Variants in IGF2BP1 observed in about 807,000 individuals in gnomAD.
IGF2BP1 encodes the protein insulin-like growth factor 2 mRNA-binding protein 1.
Under a neutral mutation model 74.9 loss-of-function variants are expected in IGF2BP1, and 11 were observed. The observed-to-expected ratio is 0.15, with a 90% confidence interval of 0.09 to 0.24. The LOEUF is 0.24. Among genes scored for constraint, IGF2BP1 ranks in the 10% least tolerant of loss-of-function variants. The probability of loss-of-function intolerance (pLI) is 1.00; values close to 1 mark genes in which losing one functional copy is unlikely to be tolerated. For missense variants in IGF2BP1, 440 were observed against 757.4 expected (o/e 0.58, Z 4.92); for synonymous variants, 287 against 281.8 (o/e 1.02, Z -0.18).
chr17:49,030,722 G>A (rs909485490), intron 4 of IGF2BP1, among the ~76,000 whole-genome samples: 2 of 151,724 alleles, frequency 1.3e-5, no homozygotes, highest in Non-Finnish European at 2.9e-5. Context: ...CACGTCCCGG[G>A]TTCAAGCGAT....
chr17:49,049,635 A>G lies in IGF2BP1; in HGVS notation c.*191A>G. 1 of 567,072 alleles carries G rather than the reference A, an allele frequency of 1.8e-6. No homozygotes were observed. Among genetic ancestry groups the G allele is most frequent in the East Asian group, 3.0e-5 (1 of 33,242 alleles). 35.1% of individuals were successfully genotyped at this position (567,072 alleles called of 1,614,324 possible). A position where few individuals can be genotyped will look rare whatever the true frequency, so the allele number is the denominator to read the frequency against. On this transcript the variant is annotated 3_prime_UTR_variant, in exon 15 of 15. Coordinates refer to ENST00000290341, the MANE Select transcript of IGF2BP1 (RefSeq NM_006546.4). The stretch of plus-strand genomic sequence containing the variant: ...ATCTCTCAGCCCCAAACACCCACCC[A>G]ATTGGCCCAACACTGTCTGCCCCTC...
chr17:49,044,182 G>T (rs1253764471), intron 11 of IGF2BP1, 96 bp downstream of exon 11: 1 of 1,489,156 alleles, frequency 6.7e-7, no homozygotes. Flanking sequence ...ACTCATTTGA[G>T]AATTCTGTGT....
chr17:49,030,622 A>C (rs1404867776), intron 4 of IGF2BP1, among the ~76,000 whole-genome samples: 1 of 148,626 alleles, frequency 6.7e-6, no homozygotes, highest in Non-Finnish European at 1.5e-5. Context: ...AACTAGTTGA[A>C]CTTTTTTTTT....
At position 48,997,778 on chromosome 17, in the gene IGF2BP1, G is replaced by C. The variant is rs1230364951; in HGVS notation, c.33G>C (p.Glu11Asp). 1.9e-6 allele frequency: 3 copies of C among 1,614,092 alleles called. No homozygotes were observed. The South Asian group carries it at 3.3e-5, about 18-fold the overall frequency. ...AGCTTTACATCGGCAACCTCAACGA[G>C]AGCGTGACCCCCGCGGACTTGGAGA... MNKLYIGNLN[E>D]SVTPADLEKV... The change falls in exon 1 of 15, where the codon GAG becomes GAC. Residue 11 changes from glutamate to aspartate, a missense_variant. This residue lies in a region of IGF2BP1 where 105 missense variants were observed against 199.4 expected (regional missense o/e 0.53). Transcript: ENST00000290341. This position sits in a 1 kb window ranked among gnomAD's most constrained non-coding sequence, Gnocchi z 4.8.
chr17:49,019,907 TATATATATA>T (rs2041757794), intron 2 of IGF2BP1, among the ~76,000 whole-genome samples: 3 of 16,544 alleles, frequency 1.8e-4, no homozygotes, highest in African/African-American at 8.6e-4. Flanking sequence ...GGCTAATTTA[TATATATATA>T]TATATATATA....
chr17:49,028,927 C>G (rs2041888779), intron 4 of IGF2BP1, among the ~76,000 whole-genome samples: 1 of 152,120 alleles, frequency 6.6e-6, no homozygotes, highest in African/African-American at 2.4e-5. Context: ...CCTGCCTCAG[C>G]TCCCAAGTAG....
rs772176215 is a variant in IGF2BP1 at position 48,997,955 on chromosome 17, C to G, written c.175+35C>G. On this transcript the variant is annotated intron_variant, in intron 1 of 14. Transcript: ENST00000290341. The surrounding 1 kb of genome is among the most constrained non-coding windows in gnomAD (Gnocchi z 4.8). ...CAGCCACCTCCCGGAAAAGCCACAA[C>G]GAGAGCCCCGAACAACGGAGACCCG... 3.7e-6 allele frequency: 6 copies of G among 1,602,784 alleles called. No individual in the cohort carries two copies. In the African/African-American group the frequency reaches 6.7e-5, roughly 18 times the overall value.
In IGF2BP1 at chr17:49,053,232, C is replaced by T. The variant is rs905837133; in HGVS notation, c.*3788C>T. 2.0e-5 allele frequency: 3 copies of T among 152,638 alleles called. No homozygotes were observed. Among genetic ancestry groups the T allele is most frequent in the Non-Finnish European group, 4.4e-5 (3 of 68,050 alleles). The allele number at this position is 152,638 out of a possible 1,614,324, so 9.5% of individuals were successfully genotyped here. On this transcript the variant is annotated 3_prime_UTR_variant, in exon 15 of 15. Transcript: ENST00000290341. ...GACCCCATTTAAAACCCAGAGAACA[C>T]TGGAGGGGGATGCTCTAGTTGGTTC...
chr17:49,000,286 A>G (rs1495274), intron 2 of IGF2BP1, among the ~76,000 whole-genome samples: 138,961 of 152,170 alleles, frequency 0.91, 64,406 homozygotes, highest in African/African-American at 0.97. Context: ...TAGATGGGAG[A>G]TGATGACTGC....
Position 49,052,992 on chromosome 17 carries a change from G to A in IGF2BP1, c.*3548G>A, listed in dbSNP as rs2042184855. The A allele has an allele frequency of 6.6e-6, 1 of 152,210 alleles. No individual in the cohort carries two copies. Among genetic ancestry groups the A allele is most frequent in the South Asian group, 2.1e-4 (1 of 4,828 alleles). 9.4% of individuals were successfully genotyped at this position (152,210 alleles called of 1,614,324 possible). ...CCAAATGGCTTTAATCCCCTCTCGG[G>A]TCTGGTTGCCTTTTGCAGTTTGGGT... On this transcript the variant is annotated 3_prime_UTR_variant, in exon 15 of 15. Transcript: ENST00000290341.
intron 1 of IGF2BP1, among the ~76,000 whole-genome samples, chr17:48,998,733 C>T (rs2041441734): frequency 6.6e-6 from 1 of 152,198 alleles, no homozygotes; most frequent in African/African-American, 2.4e-5. Context: ...CTGCCTCCCG[C>T]CCCGCGCCCC....
chr17:49,014,426 C>T (rs1355690377), intron 2 of IGF2BP1, among the ~76,000 whole-genome samples: 3 of 151,780 alleles, frequency 2.0e-5, no homozygotes, highest in South Asian at 4.2e-4. Context: ...CCGTCCCCTC[C>T]TCCTGGCCAA....
chr17:49,048,952 C>T (rs1034246356), intron 14 of IGF2BP1, among the ~76,000 whole-genome samples: 1 of 151,830 alleles, frequency 6.6e-6, no homozygotes, highest in Non-Finnish European at 1.5e-5. Flanking sequence ...TTCCTGGTGC[C>T]AGAACAGTTG....
At chr17:49,040,198 A>G (rs1037260103) in intron 7 of IGF2BP1, 107 bp downstream of exon 7, 9 of 1,224,650 alleles carry the variant, frequency 7.3e-6, no homozygotes, top group South Asian at 2.9e-5. Flanking sequence ...ACAGTCAGCA[A>G]TTGCACAAAA....
chr17:49,041,314 A>G (rs2042049493), intron 7 of IGF2BP1, 64 bp from the exon 8 acceptor site: 1 of 1,589,424 alleles, frequency 6.3e-7, no homozygotes, highest in Admixed American at 1.7e-5. Flanking sequence ...ATGGTGATTG[A>G]GTCTTCATGA....
At chr17:49,033,129 A>C (rs1163379482) in intron 5 of IGF2BP1, among the ~76,000 whole-genome samples, 1 of 152,012 alleles carries the variant, frequency 6.6e-6, no homozygotes, top group African/African-American at 2.4e-5. Context: ...CCTCGTTAAC[A>C]TTTCTGGGCT....
intron 5 of IGF2BP1, among the ~76,000 whole-genome samples, chr17:49,032,694 A>G (rs1372955185): frequency 3.3e-5 from 5 of 151,588 alleles, no homozygotes; most frequent in Admixed American, 3.3e-4. Context: ...AATACCTACC[A>G]TTTTCTTTTA....
intron 2 of IGF2BP1, among the ~76,000 whole-genome samples, chr17:48,999,961 T>TC (rs1555594005): frequency 6.7e-6 from 1 of 149,990 alleles, no homozygotes; most frequent in African/African-American, 2.5e-5. Flanking sequence ...TGTGTGTGTG[T>TC]GTTCGTGTGT....
At position 49,052,776 on chromosome 17, in the gene IGF2BP1, G is replaced by A. The variant is rs927845251; in HGVS notation, c.*3332G>A. The A allele has an allele frequency of 6.6e-6, 1 of 152,308 alleles. No individual in the cohort carries two copies. The highest frequency in any genetic ancestry group is 1.5e-5 in the Non-Finnish European group (1 of 67,996). The allele number at this position is 152,308 out of a possible 1,614,324, so 9.4% of individuals were successfully genotyped here. On this transcript the variant is annotated 3_prime_UTR_variant, in exon 15 of 15. Transcript: ENST00000290341. The stretch of plus-strand genomic sequence containing the variant: ...ATCGCGAAAAGCACTTGGGAGATTT[G>A]GATGATTTGAGAAGAGTGACTTAAA...
Sources: allele counts gnomAD v4.1 joint callset (sites outside exome capture counted in the v4.1 genomes callset), GRCh38; gene constraint gnomAD v4.1.1; regional missense constraint gnomAD v4.1.1; non-coding constraint Gnocchi (gnomAD v3.1); transcripts MANE v1.5; gene names NCBI Gene and HGNC (gene_info 2026-07-23, HGNC 2026-07-21).